Variants in ERBB4 observed in about 807,000 individuals in gnomAD.
ERBB4 encodes erb-b2 receptor tyrosine kinase 4, also known as receptor tyrosine-protein kinase erbB-4.
In ERBB4, 42 loss-of-function variants were observed where a neutral mutation model predicts 158.0. The observed-to-expected ratio is 0.27, with a 90% CI of 0.21 to 0.34. The LOEUF (loss-of-function observed/expected upper bound fraction) is 0.34, where lower values mean the gene tolerates loss of function less well. ERBB4 is among the 10% of genes least tolerant of loss of function. ERBB4 has a pLI of 1.00. For synonymous variants in ERBB4, 583 were observed against 558.7 expected (o/e 1.04, Z -0.61); for missense variants, 1,333 against 1,624.1 (o/e 0.82, Z 3.08).
chr2:212,265,443 C>G (rs933540113), intron 1 of ERBB4, among the ~76,000 whole-genome samples: 2 of 151,962 alleles, frequency 1.3e-5, no homozygotes, highest in Non-Finnish European at 2.9e-5. Context: ...AGAAAGAATC[C>G]ATTTCCTAAG....
chr2:212,164,839 T>C (rs1003677846), intron 1 of ERBB4, among the ~76,000 whole-genome samples: 3 of 152,102 alleles, frequency 2.0e-5, no homozygotes, highest in Non-Finnish European at 4.4e-5. Context: ...CTTGATCATT[T>C]TGAATAAAGA....
At chr2:211,882,080 C>T (rs561953347) in intron 3 of ERBB4, among the ~76,000 whole-genome samples, 3 of 152,284 alleles carry the variant, frequency 2.0e-5, no homozygotes, top group African/African-American at 7.2e-5. Flanking sequence ...AACACCCCTG[C>T]TCATTCCCTT....
intron 25 of ERBB4, among the ~76,000 whole-genome samples, chr2:211,408,505 T>TAATTTC (rs1409040037): frequency 6.6e-6 from 1 of 152,158 alleles, no homozygotes; most frequent in Non-Finnish European, 1.5e-5. Flanking sequence ...AAGTGTAAAA[T>TAATTTC]AATTTCATAA....
chr2:212,091,964 T>C (rs111355789), intron 2 of ERBB4, among the ~76,000 whole-genome samples: 1,986 of 152,238 alleles, frequency 0.013, 22 homozygotes, highest in Middle Eastern at 0.027. Context: ...TACTCATCAC[T>C]CTCAGTATTT....
At chr2:211,848,886 T>A (rs897293649) in intron 3 of ERBB4, among the ~76,000 whole-genome samples, 3 of 152,102 alleles carry the variant, frequency 2.0e-5, no homozygotes, top group African/African-American at 2.4e-5. Context: ...TCAGCTGAGC[T>A]TGACATTTGT....
chr2:211,433,486 C>A lies in ERBB4; in HGVS notation c.2488-2386G>T, dbSNP rs371461330. On this transcript the variant is annotated intron_variant, in intron 20 of 27. Coordinates refer to ENST00000342788, the MANE Select transcript of ERBB4 (RefSeq NM_005235.3). ...GTCCCAGCTACTCGGGAGGCTGAGG[C>A]AGGAGGATGGCGTGAACCTGGGAGG... Among the ~76,000 whole-genome samples, 18 of 151,748 alleles carry A rather than the reference C, an allele frequency of 1.2e-4. 1 individual carries two copies. Among genetic ancestry groups the A allele is most frequent in the Admixed American group, 9.8e-4 (15 of 15,230 alleles).
chr2:212,314,659 G>A (rs990346966), intron 1 of ERBB4, among the ~76,000 whole-genome samples: 1 of 150,676 alleles, frequency 6.6e-6, no homozygotes, highest in Non-Finnish European at 1.5e-5. Context: ...TAATTAGCAC[G>A]TGAATTTACT....
intron 1 of ERBB4, among the ~76,000 whole-genome samples, chr2:212,333,537 A>T (rs1429992051): frequency 2.0e-5 from 3 of 147,586 alleles, no homozygotes; most frequent in African/African-American, 7.5e-5. Context: ...GAAAAAAAAA[A>T]AAAAATTAAC....
rs563173964 is a variant in ERBB4, at chr2:211,732,846, G to A, written c.623-7652C>T. ...ACAAAAATTAGCCAGGCATGGTGGC[G>A]CGCACCTGTAATCCCAGCTACTCAG... On this transcript the variant is annotated intron_variant, in intron 5 of 27. Transcript: ENST00000342788. 1.3e-4 allele frequency among the ~76,000 whole-genome samples: 20 copies of A among 152,146 alleles called. No homozygotes were observed. In the East Asian group the frequency reaches 2.5e-3, roughly 19 times the overall value.
At chr2:211,739,720 C>T (rs1372881507) in intron 5 of ERBB4, among the ~76,000 whole-genome samples, 1 of 152,206 alleles carries the variant, frequency 6.6e-6, no homozygotes, top group Non-Finnish European at 1.5e-5. Flanking sequence ...CTGCCCGCTT[C>T]GGCCTCCCAA....
intron 3 of ERBB4, among the ~76,000 whole-genome samples, chr2:211,945,680 C>T (rs1575417268): frequency 6.6e-6 from 1 of 151,894 alleles, no homozygotes; most frequent in Non-Finnish European, 1.5e-5. Context: ...TGCACTTACT[C>T]GGTATGAAGT....
chr2:212,206,900 T>C lies in ERBB4; in HGVS notation c.83-81997A>G, dbSNP rs540172656. Among the ~76,000 whole-genome samples, 3 of 152,180 alleles carry C rather than the reference T, an allele frequency of 2.0e-5. No individual in the cohort carries two copies. The South Asian group carries it at 6.2e-4, about 32-fold the overall frequency. ...ACCGCGCCCGGCCTAGTCTGTTCTATTCTTAAATGTTTCTTTTACTCATAA... is the reference window on the plus strand; with the variant it reads ...ACCGCGCCCGGCCTAGTCTGTTCTACTCTTAAATGTTTCTTTTACTCATAA... On this transcript the variant is annotated intron_variant, in intron 1 of 27. Transcript: ENST00000342788.
chr2:211,706,609 A>T (rs990366199), intron 9 of ERBB4, among the ~76,000 whole-genome samples: 4 of 151,874 alleles, frequency 2.6e-5, no homozygotes, highest in African/African-American at 9.7e-5. Context: ...AACAAAAAAA[A>T]AAAAAACAAA....
intron 2 of ERBB4, among the ~76,000 whole-genome samples, chr2:212,008,616 GTACTC>G (rs1180859195): frequency 6.6e-6 from 1 of 151,992 alleles, no homozygotes; most frequent in East Asian, 1.9e-4. Context: ...TCACAACACT[GTACTC>G]TATTCATAAA....
At chr2:211,949,323 C>A (rs578114384) in intron 2 of ERBB4, among the ~76,000 whole-genome samples, 2 of 152,264 alleles carry the variant, frequency 1.3e-5, no homozygotes, top group East Asian at 3.9e-4. Context: ...CTCAGAGTAA[C>A]AGACAAAATA....
chr2:211,410,143 T>C (rs543159213), intron 25 of ERBB4, among the ~76,000 whole-genome samples: 1 of 152,354 alleles, frequency 6.6e-6, no homozygotes, highest in South Asian at 2.1e-4. Flanking sequence ...TGTTAAATTA[T>C]GTTGTCCATA....
At chr2:212,059,612 A>C (rs2077696684) in intron 2 of ERBB4, among the ~76,000 whole-genome samples, 1 of 152,222 alleles carries the variant, frequency 6.6e-6, no homozygotes, top group Non-Finnish European at 1.5e-5. Flanking sequence ...CCAATGGAAC[A>C]GAACAGAGCC....
chr2:212,451,708 ATAT>A (rs2092448258), intron 1 of ERBB4, among the ~76,000 whole-genome samples: 2 of 152,198 alleles, frequency 1.3e-5, no homozygotes, highest in East Asian at 1.9e-4. Context: ...ACCACTTCAA[ATAT>A]TATTAACTCT....
chr2:211,828,184 T>C (rs984347723), intron 3 of ERBB4, among the ~76,000 whole-genome samples: 2 of 152,286 alleles, frequency 1.3e-5, no homozygotes, highest in Admixed American at 6.5e-5. Context: ...ATATGTTCAG[T>C]TGGATGGGAA....
Sources: allele counts gnomAD v4.1 joint callset (sites outside exome capture counted in the v4.1 genomes callset), GRCh38; gene constraint gnomAD v4.1.1; transcripts MANE v1.5; gene names NCBI Gene and HGNC (gene_info 2026-07-23, HGNC 2026-07-21).